MAP3K20: variants seen among roughly 807,000 people sequenced by gnomAD.
MAP3K20 encodes HCCS-4.
In MAP3K20, 40 loss-of-function variants were observed where a neutral mutation model predicts 85.7. That is an observed-to-expected ratio of 0.47 (90% CI 0.36 to 0.61). The LOEUF is 0.61. MAP3K20 is among the 20% of genes least tolerant of loss of function. The probability of loss-of-function intolerance (pLI) is 0.00; values close to 1 mark genes in which losing one functional copy is unlikely to be tolerated. For missense variants in MAP3K20, 817 were observed against 961.7 expected (o/e 0.85, Z 1.99); for synonymous variants, 325 against 327.7 (o/e 0.99, Z 0.09).
intron 2 of MAP3K20, among the ~76,000 whole-genome samples, chr2:173,102,411 A>C (rs1030226969): frequency 3.8e-4 from 58 of 152,268 alleles, no homozygotes; most frequent in African/African-American, 1.3e-3. Flanking sequence ...CGTGGTTCTT[A>C]TCTGGTTTGT....
chr2:173,096,404 A>T (rs187647666), intron 2 of MAP3K20, among the ~76,000 whole-genome samples: 17 of 151,100 alleles, frequency 1.1e-4, no homozygotes, highest in African/African-American at 2.2e-4. Context: ...CAGTGGTGCA[A>T]TCTCCGTTCA....
At chr2:173,076,076 T>C (rs1686845604) in intron 1 of MAP3K20, 74 bp downstream of exon 1, 2 of 948,058 alleles carry the variant, frequency 2.1e-6, no homozygotes, top group Non-Finnish European at 1.3e-6. Context: ...GAGTCGTCCC[T>C]GCGTCTCGGG....
Position 173,198,229 on chromosome 2 carries a change from C to T in MAP3K20, c.669+117C>T. 3 of 903,638 alleles carry T rather than the reference C, an allele frequency of 3.3e-6. No individual in the cohort carries two copies. In the Admixed American group the frequency reaches 6.9e-5, roughly 21 times the overall value. 56.0% of individuals were successfully genotyped at this position (903,638 alleles called of 1,614,324 possible). On this transcript the variant is annotated intron_variant, in intron 8 of 19. Transcript: ENST00000375213. The surrounding 1 kb of genome is among the most constrained non-coding windows in gnomAD (Gnocchi z 5.8). ...AAGTTCACGCTTATGGAAAGATTAG[C>T]AGTAGGAGCTAACACAAAGGGTCAA... is the stretch of plus-strand genomic sequence containing the variant.
At chr2:173,160,937 G>A (rs984869424) in intron 2 of MAP3K20, among the ~76,000 whole-genome samples, 17 of 152,190 alleles carry the variant, frequency 1.1e-4, no homozygotes, top group African/African-American at 4.1e-4. Flanking sequence ...CTTTCAGGTC[G>A]AATAATGGGT....
chr2:173,121,512 A>T (rs186202699), intron 2 of MAP3K20, among the ~76,000 whole-genome samples: 1 of 151,702 alleles, frequency 6.6e-6, no homozygotes, highest in African/African-American at 2.4e-5. Flanking sequence ...TCAGCCTCCC[A>T]AGTAGCTGGG....
Position 173,182,866 on chromosome 2 carries a change from TG to T in MAP3K20, c.263del (p.Gly88AspfsTer21). On this transcript the variant is annotated frameshift_variant, in exon 4 of 20. Transcript: ENST00000375213. LOFTEE classifies it high-confidence loss of function. ...CCTTTTAAAATAGAATATGCTTCTC[TG>T]GGATCACTCTATGATTACATTAACA... is the stretch of plus-strand genomic sequence containing the variant. ...NYGIVTEYAS[L>X]GSLYDYINSN... is the part of the protein sequence containing the mutation. 1 of 1,596,380 alleles carries T rather than the reference TG, an allele frequency of 6.3e-7. No individual in the cohort carries two copies. The highest frequency in any genetic ancestry group is 1.2e-5 in the South Asian group (1 of 85,490).
intron 2 of MAP3K20, among the ~76,000 whole-genome samples, chr2:173,135,985 A>C (rs1238927854): frequency 6.6e-6 from 1 of 152,234 alleles, no homozygotes; most frequent in Non-Finnish European, 1.5e-5. Flanking sequence ...AGTGGTTGGT[A>C]AATAGTGAAT....
Position 173,076,490 on chromosome 2 carries a change from G to A in MAP3K20, c.-35+488G>A, listed in dbSNP as rs560945343. Among the ~76,000 whole-genome samples, 3 of 152,306 alleles carry A rather than the reference G, an allele frequency of 2.0e-5. No individual in the cohort carries two copies. The South Asian group carries it at 6.2e-4, about 32-fold the overall frequency. On this transcript the variant is annotated intron_variant, in intron 1 of 19. Coordinates refer to ENST00000375213, the MANE Select transcript of MAP3K20 (RefSeq NM_016653.3). ...CAGGCCACTTCCCAGCACTCGCTGT[G>A]CGTGCGAGGAGGGACGACGAACTTC...
At chr2:173,137,187 T>C (rs1024097377) in intron 2 of MAP3K20, among the ~76,000 whole-genome samples, 57 of 152,326 alleles carry the variant, frequency 3.7e-4, no homozygotes, top group African/African-American at 1.3e-3. Context: ...CTTTAATCTG[T>C]TTAAAAATGG....
intron 9 of MAP3K20, among the ~76,000 whole-genome samples, chr2:173,205,788 ATTG>A (rs1477797831): frequency 3.3e-5 from 5 of 151,856 alleles, no homozygotes; most frequent in African/African-American, 4.8e-5. Context: ...TTTATTTAGG[ATTG>A]TTGTTCTTTT....
chr2:173,134,414 A>ATTTTTTTTTTTTT (rs1290040694), intron 2 of MAP3K20, among the ~76,000 whole-genome samples: 2 of 6,126 alleles, frequency 3.3e-4, no homozygotes, highest in African/African-American at 5.8e-4. Flanking sequence ...ATATATATAT[A>ATTTTTTTTTTTTT]TATATATATA....
intron 5 of MAP3K20, 75 bp from the exon 6 acceptor site, chr2:173,190,820 T>C (rs1690624542): frequency 2.3e-6 from 3 of 1,285,914 alleles, no homozygotes; most frequent in African/African-American, 3.0e-5. Flanking sequence ...AATAGAAGTT[T>C]ATGGTTTTTT....
At chr2:173,129,606 G>A (rs1441254956) in intron 2 of MAP3K20, among the ~76,000 whole-genome samples, 1 of 152,178 alleles carries the variant, frequency 6.6e-6, no homozygotes, top group Non-Finnish European at 1.5e-5. Flanking sequence ...GCAGCAAATA[G>A]GAGCAGAGCT....
intron 5 of MAP3K20, among the ~76,000 whole-genome samples, chr2:173,189,161 A>G (rs934632236): frequency 1.3e-5 from 2 of 152,156 alleles, no homozygotes; most frequent in African/African-American, 4.8e-5. Flanking sequence ...TATGTTATGT[A>G]TTTTTATAAT....
chr2:173,147,227 T>C (rs1014024240), intron 2 of MAP3K20, among the ~76,000 whole-genome samples: 3 of 152,246 alleles, frequency 2.0e-5, no homozygotes, highest in African/African-American at 4.8e-5. Context: ...AGTTTAACTT[T>C]CGTTGCTTGT....
chr2:173,121,109 A>C (rs1688274619), intron 2 of MAP3K20, among the ~76,000 whole-genome samples: 1 of 152,196 alleles, frequency 6.6e-6, no homozygotes, highest in South Asian at 2.1e-4. Flanking sequence ...TTCATCCTGT[A>C]AATCAGAAAT....
chr2:173,142,687 T>C (rs1297060536), intron 2 of MAP3K20, among the ~76,000 whole-genome samples: 1 of 151,752 alleles, frequency 6.6e-6, no homozygotes, highest in Non-Finnish European at 1.5e-5. Flanking sequence ...GAAAATGATA[T>C]ACTAAGAAAA....
At position 173,229,737 on chromosome 2, in the gene MAP3K20, AG is replaced by A; in HGVS notation, c.1032+5del. 2 of 1,614,096 alleles carry A rather than the reference AG, an allele frequency of 1.2e-6. No homozygotes were observed. Among genetic ancestry groups the A allele is most frequent in the Non-Finnish European group, 1.7e-6 (2 of 1,179,990 alleles). On this transcript the variant is annotated splice_donor_5th_base_variant and intron_variant, in intron 12 of 19. Coordinates refer to ENST00000375213, the MANE Select transcript of MAP3K20 (RefSeq NM_016653.3). Reference sequence around the variant, plus strand: ...TGCATGGACGGAAGACGATGTGGTAAGCTCTTTGTATTCATGCCTTATTTGA... The same window carrying A: ...TGCATGGACGGAAGACGATGTGGTAACTCTTTGTATTCATGCCTTATTTGA...
chr2:173,193,977 C>T (rs548073927), intron 7 of MAP3K20, among the ~76,000 whole-genome samples: 4 of 152,232 alleles, frequency 2.6e-5, no homozygotes, highest in Non-Finnish European at 5.9e-5. Flanking sequence ...TGTATTTACA[C>T]ACTGGATGTT....
Sources: gnomAD v4.1 joint callset for allele counts (sites outside exome capture counted in the v4.1 genomes callset) on GRCh38, gnomAD v4.1.1 for gene constraint, Gnocchi (gnomAD v3.1) non-coding constraint, MANE v1.5 for transcripts, NCBI Gene and HGNC (gene_info 2026-07-23, HGNC 2026-07-21) for gene names.